HSD17B12: variants seen among roughly 807,000 people sequenced by gnomAD.
HSD17B12 encodes hydroxysteroid 17-beta dehydrogenase 12, also known as very-long-chain 3-oxoacyl-CoA reductase.
A neutral mutation model predicts 39.3 loss-of-function variants in HSD17B12; 32 were observed. The ratio of observed to expected loss-of-function variants is 0.81; its 90% CI spans 0.61 to 1.09. The LOEUF (loss-of-function observed/expected upper bound fraction) is 1.09. Among genes scored for constraint, HSD17B12 ranks in the 50% least tolerant of loss-of-function variants. The probability of loss-of-function intolerance (pLI) is 0.00; values close to 1 mark genes in which losing one functional copy is unlikely to be tolerated. For missense variants in HSD17B12, 342 were observed against 382.9 expected, an observed-to-expected ratio of 0.89 and a Z score of 0.89; for synonymous variants, 150 against 146.7, an observed-to-expected ratio of 1.02 and a Z score of -0.16.
chr11:43,663,982 T>C, the HSD17B12 span, among the ~76,000 whole-genome samples: 3 of 151,902 alleles, frequency 2.0e-5, no homozygotes, highest in South Asian at 6.2e-4. Context: ...CCTGAGTAGC[T>C]GGGATGACAG....
In HSD17B12 at chr11:43,840,000, C is replaced by T. The variant is rs777147345; in HGVS notation, c.620C>T (p.Thr207Ile). ...PLLTIYSATK[T>I]FVDFFSQCLH... ...TTCTCACTCCCACTCCCCTCCCAGA[C>T]TTTTGTAGATTTCTTCTCTCAGTGC... is the stretch of plus-strand genomic sequence containing the variant. Residue 207 changes from threonine to isoleucine, a missense_variant and splice_region_variant, in exon 9 of 11, where the codon ACT (threonine) becomes ATT (isoleucine). Coordinates refer to ENST00000278353, the MANE Select transcript of HSD17B12 (RefSeq NM_016142.3). 1.2e-6 allele frequency: 2 copies of T among 1,612,056 alleles called. No individual in the cohort carries two copies. Among genetic ancestry groups the T allele is most frequent in the Non-Finnish European group, 1.7e-6 (2 of 1,178,682 alleles).
At chr11:43,696,003 A>G (rs1485544423) in intron 1 of HSD17B12, among the ~76,000 whole-genome samples, 1 of 151,620 alleles carries the variant, frequency 6.6e-6, no homozygotes, top group Non-Finnish European at 1.5e-5. Context: ...CCCACCTTCC[A>G]CCCTCCGAAA....
At chr11:43,669,864 G>A in the HSD17B12 span, among the ~76,000 whole-genome samples, 1 of 152,130 alleles carries the variant, frequency 6.6e-6, no homozygotes, top group Non-Finnish European at 1.5e-5. Flanking sequence ...CAGGTTGTGG[G>A]GTTAGGACTT....
the HSD17B12 span, among the ~76,000 whole-genome samples, chr11:43,636,575 C>G: frequency 2.0e-5 from 3 of 151,940 alleles, no homozygotes; most frequent in Non-Finnish European, 1.5e-5. Context: ...TATATTACAT[C>G]TGGGTCCAGA....
intron 3 of HSD17B12, among the ~76,000 whole-genome samples, chr11:43,774,326 GCCTCAGCCTC>G (rs1482992827): frequency 6.6e-6 from 1 of 151,898 alleles, no homozygotes; most frequent in African/African-American, 2.4e-5. Flanking sequence ...CGGTACTCCT[GCCTCAGCCTC>G]CCAAGTAGCT....
At chr11:43,758,485 C>T (rs1427418029) in intron 3 of HSD17B12, among the ~76,000 whole-genome samples, 1 of 152,170 alleles carries the variant, frequency 6.6e-6, no homozygotes, top group African/African-American at 2.4e-5. Context: ...TCAGTGCTTT[C>T]AAATGAGACT....
At chr11:43,583,680 T>TGGG in the HSD17B12 span, among the ~76,000 whole-genome samples, 144 of 149,154 alleles carry the variant, frequency 9.7e-4, no homozygotes, top group African/African-American at 3.4e-3. Flanking sequence ...GAGGGCAAAG[T>TGGG]GGGGGGGGGT....
chr11:43,708,132 C>T (rs1379570775), intron 1 of HSD17B12, among the ~76,000 whole-genome samples: 2 of 152,168 alleles, frequency 1.3e-5, no homozygotes, highest in African/African-American at 2.4e-5. Flanking sequence ...CATTCAGTCC[C>T]AGAGCATAAG....
intron 3 of HSD17B12, among the ~76,000 whole-genome samples, chr11:43,790,961 T>G (rs967828063): frequency 1.3e-5 from 2 of 151,990 alleles, no homozygotes; most frequent in African/African-American, 4.8e-5. Flanking sequence ...ACCATTGCAT[T>G]CCAGCCTGGG....
intron 3 of HSD17B12, among the ~76,000 whole-genome samples, chr11:43,757,914 T>C (rs1427557847): frequency 2.6e-5 from 4 of 152,206 alleles, no homozygotes; most frequent in African/African-American, 9.6e-5. Flanking sequence ...GGAGCCTTAC[T>C]GAAAGACCTA....
chr11:43,794,031 G>C (rs1043172242), intron 3 of HSD17B12, among the ~76,000 whole-genome samples: 2 of 152,292 alleles, frequency 1.3e-5, no homozygotes, highest in South Asian at 4.1e-4. Context: ...TTAGTTGACT[G>C]CCTCGAGCAG....
the HSD17B12 span, among the ~76,000 whole-genome samples, chr11:43,671,586 T>A: frequency 2.0e-5 from 3 of 152,256 alleles, no homozygotes; most frequent in Non-Finnish European, 4.4e-5. Flanking sequence ...GATCTGCTGA[T>A]GCAATAAAGA....
At chr11:43,702,083 G>C (rs554001576) in intron 1 of HSD17B12, among the ~76,000 whole-genome samples, 2 of 152,100 alleles carry the variant, frequency 1.3e-5, no homozygotes, top group African/African-American at 4.8e-5. Context: ...TTCATGGGTA[G>C]CTATTATAAA....
chr11:43,624,121 T>C, the HSD17B12 span, among the ~76,000 whole-genome samples: 1 of 151,968 alleles, frequency 6.6e-6, no homozygotes, highest in African/African-American at 2.4e-5. Context: ...TTGTTTGTCC[T>C]CACTGATCAA....
intron 4 of HSD17B12, among the ~76,000 whole-genome samples, chr11:43,812,624 T>C (rs1187558308): frequency 6.6e-6 from 1 of 152,254 alleles, no homozygotes. Context: ...TATTAGTCTC[T>C]TGTCAGATGG....
At chr11:43,806,760 G>A (rs1440554677) in intron 4 of HSD17B12, among the ~76,000 whole-genome samples, 1 of 152,156 alleles carries the variant, frequency 6.6e-6, no homozygotes, top group East Asian at 1.9e-4. Flanking sequence ...AGAAATAAGA[G>A]CTGGGTTAGA....
At chr11:43,838,105 C>A in intron 7 of HSD17B12, 1 of 541,856 alleles carries the variant, frequency 1.8e-6, no homozygotes, top group Non-Finnish European at 3.3e-6. Flanking sequence ...GGGAAATGAG[C>A]TAATCGTGAA....
intron 1 of HSD17B12, among the ~76,000 whole-genome samples, chr11:43,716,082 G>A (rs1350754290): frequency 6.6e-6 from 1 of 152,136 alleles, no homozygotes; most frequent in Non-Finnish European, 1.5e-5. Flanking sequence ...TTAAGTTTAG[G>A]TTAAACCTGA....
Position 43,742,132 on chromosome 11 carries a change from TATATA to T in HSD17B12, c.161-8778_161-8774del, listed in dbSNP as rs1219297360. Among the ~76,000 whole-genome samples the T allele has an allele frequency of 3.4e-3, 420 of 124,832 alleles. 3 individuals are homozygous for T. The highest frequency in any genetic ancestry group is 0.01 in the African/African-American group (347 of 33,476). 81.9% of individuals were successfully genotyped at this position (124,832 alleles called of 152,430 possible). ...AAGGAAATATATATATATATATATA[TATATA>T]TATTTTTTTTTTTAAATTGAGACAG... is the stretch of plus-strand genomic sequence containing the variant. On this transcript the variant is annotated intron_variant, in intron 1 of 10. Coordinates refer to ENST00000278353, the MANE Select transcript of HSD17B12 (RefSeq NM_016142.3).
Sources: gnomAD v4.1 joint callset for allele counts (sites outside exome capture counted in the v4.1 genomes callset) on GRCh38, gnomAD v4.1.1 for gene constraint, MANE v1.5 for transcripts, NCBI Gene and HGNC (gene_info 2026-07-23, HGNC 2026-07-21) for gene names.